RBMS3: variants seen among roughly 807,000 people sequenced by gnomAD.
The protein encoded by RBMS3 is RNA binding motif single stranded interacting protein 3.
RBMS3 carries 27 observed loss-of-function variants against 66.8 expected under a neutral mutation model. The observed-to-expected ratio is 0.40, with a 90% CI of 0.30 to 0.56. The LOEUF is 0.56. Ranked by LOEUF, RBMS3 falls within the 20% of genes least tolerant of loss-of-function variation. The pLI, the probability that RBMS3 is intolerant of heterozygous loss-of-function variation, is 0.40. For missense variants in RBMS3, 513 were observed against 549.5 expected, an observed-to-expected ratio of 0.93 and a Z score of 0.66; for synonymous variants, 188 against 183.0, an observed-to-expected ratio of 1.03 and a Z score of -0.22.
At chr3:29,851,540 G>A (rs972680555) in intron 6 of RBMS3, among the ~76,000 whole-genome samples, 1 of 152,172 alleles carries the variant, frequency 6.6e-6, no homozygotes, top group Non-Finnish European at 1.5e-5. Context: ...GAATAAAAGT[G>A]AACACATTAA....
At chr3:29,660,819 T>C (rs2050515860) in intron 4 of RBMS3, among the ~76,000 whole-genome samples, 1 of 152,132 alleles carries the variant, frequency 6.6e-6, no homozygotes, top group African/African-American at 2.4e-5. Flanking sequence ...CAGCCTCCTA[T>C]GCACAGATAA....
chr3:29,291,601 A>T (rs2032818252), intron 1 of RBMS3, among the ~76,000 whole-genome samples: 1 of 151,818 alleles, frequency 6.6e-6, no homozygotes, highest in South Asian at 2.1e-4. Context: ...AATCAATGGC[A>T]CAATACTTAT....
intron 1 of RBMS3, among the ~76,000 whole-genome samples, chr3:29,305,692 C>T (rs1309181867): frequency 6.6e-6 from 1 of 151,946 alleles, no homozygotes; most frequent in Non-Finnish European, 1.5e-5. Context: ...CCAGGAGGCA[C>T]CTTGAGTTTA....
intron 6 of RBMS3, among the ~76,000 whole-genome samples, chr3:29,868,164 C>T (rs2059405381): frequency 1.3e-5 from 2 of 152,138 alleles, no homozygotes; most frequent in Admixed American, 1.3e-4. Context: ...TGGTCACTTT[C>T]TCTTGGGAAA....
intron 4 of RBMS3, among the ~76,000 whole-genome samples, chr3:29,631,963 C>T (rs12487848): frequency 0.015 from 2,308 of 152,028 alleles, 61 homozygotes; most frequent in African/African-American, 0.053. Flanking sequence ...TGTGCATTTG[C>T]ATGCCAACCA....
chr3:29,592,156 G>A (rs1413823139), intron 4 of RBMS3, among the ~76,000 whole-genome samples: 1 of 150,706 alleles, frequency 6.6e-6, no homozygotes, highest in African/African-American at 2.4e-5. Context: ...TCAAAATCAA[G>A]GAATATACAA....
chr3:29,316,678 G>A (rs561776163), intron 1 of RBMS3, among the ~76,000 whole-genome samples: 2 of 151,358 alleles, frequency 1.3e-5, no homozygotes, highest in African/African-American at 4.8e-5. Context: ...TACAAAAACA[G>A]TTGTCCAGGC....
At chr3:29,688,391 C>CAAAAACTATAGAAACTAT (rs2051827530) in intron 4 of RBMS3, among the ~76,000 whole-genome samples, 1 of 151,954 alleles carries the variant, frequency 6.6e-6, no homozygotes, top group Non-Finnish European at 1.5e-5. Context: ...AGACAGGGGA[C>CAAAAACTATAGAAACTAT]AGTTTCTATC....
intron 3 of RBMS3, among the ~76,000 whole-genome samples, chr3:29,501,515 G>A (rs911990496): frequency 1.3e-5 from 2 of 152,142 alleles, no homozygotes; most frequent in African/African-American, 4.8e-5. Flanking sequence ...GCTGTTGCAA[G>A]CCCGAGGTTA....
At chr3:29,512,979 G>T (rs1208059368) in intron 3 of RBMS3, among the ~76,000 whole-genome samples, 1 of 152,104 alleles carries the variant, frequency 6.6e-6, no homozygotes, top group East Asian at 1.9e-4. Context: ...CCACTTGAGA[G>T]GTAACTTGCT....
intron 12 of RBMS3, among the ~76,000 whole-genome samples, chr3:29,950,402 G>A (rs1238824862): frequency 6.6e-6 from 1 of 151,804 alleles, no homozygotes; most frequent in East Asian, 1.9e-4. Context: ...GCACTTTCAA[G>A]ACAACAATGG....
At chr3:29,952,301 A>T (rs561860867) in intron 12 of RBMS3, among the ~76,000 whole-genome samples, 1 of 151,996 alleles carries the variant, frequency 6.6e-6, no homozygotes, top group Admixed American at 6.6e-5. Context: ...ATTAAATTTT[A>T]TGTAAATCCA....
rs186246097 is a variant in RBMS3 at position 29,528,014 on chromosome 3, T to A, written c.307+39515T>A. ...TTTTTACCCTCAAATACTCAAGCAC[T>A]GCACTGGTGATTGATTGTAAAGAAG... On this transcript the variant is annotated intron_variant, in intron 3 of 14. Transcript: ENST00000383767. Among the ~76,000 whole-genome samples the A allele has an allele frequency of 7.2e-3, 1,092 of 151,972 alleles. 4 individuals carry two copies. Among genetic ancestry groups the A allele is most frequent in the Non-Finnish European group, 0.011 (729 of 67,926 alleles).
intron 4 of RBMS3, among the ~76,000 whole-genome samples, chr3:29,601,392 G>A (rs1196371497): frequency 6.6e-6 from 1 of 151,914 alleles, no homozygotes; most frequent in Non-Finnish European, 1.5e-5. Flanking sequence ...TTAGTAAGCT[G>A]TTAGGTTCTA....
intron 3 of RBMS3, among the ~76,000 whole-genome samples, chr3:29,512,870 T>TGCA (rs2044469894): frequency 6.6e-6 from 1 of 152,192 alleles, no homozygotes; most frequent in African/African-American, 2.4e-5. Flanking sequence ...TTTATAATCT[T>TGCA]GCAGCAGTTC....
intron 1 of RBMS3, among the ~76,000 whole-genome samples, chr3:29,390,141 A>G (rs948499627): frequency 6.6e-6 from 1 of 152,240 alleles, no homozygotes; most frequent in East Asian, 1.9e-4. Context: ...GCTGTTATCA[A>G]ATTCCATTTT....
chr3:29,431,991 G>C (rs1344252664), intron 1 of RBMS3, among the ~76,000 whole-genome samples: 2 of 152,124 alleles, frequency 1.3e-5, no homozygotes, highest in Non-Finnish European at 2.9e-5. Flanking sequence ...GCCTCCCAAA[G>C]TGCTAGGATT....
At chr3:29,989,790 T>A (rs1192981597) in intron 13 of RBMS3, among the ~76,000 whole-genome samples, 1 of 152,240 alleles carries the variant, frequency 6.6e-6, no homozygotes, top group Non-Finnish European at 1.5e-5. Flanking sequence ...TGATTAAATT[T>A]CATGTTCTTT....
In RBMS3 at chr3:29,376,377, A is replaced by G. The variant is rs371731967; in HGVS notation, c.76-58366A>G. ...AGTTGGAAATAAAAAAATAAAAATGAATTGGCTTTCCATTTACCCCTTTGA... is the reference window on the plus strand; with the variant it reads ...AGTTGGAAATAAAAAAATAAAAATGGATTGGCTTTCCATTTACCCCTTTGA... On this transcript the variant is annotated intron_variant, in intron 1 of 14. Transcript: ENST00000383767. Among the ~76,000 whole-genome samples, 66 of 152,292 alleles carry G rather than the reference A, an allele frequency of 4.3e-4. No individual in the cohort carries two copies. In the East Asian group the frequency reaches 5.2e-3, roughly 12 times the overall value.
Sources: gnomAD v4.1 joint callset for allele counts (sites outside exome capture counted in the v4.1 genomes callset) on GRCh38, gnomAD v4.1.1 for gene constraint, MANE v1.5 for transcripts, NCBI Gene and HGNC (gene_info 2026-07-23, HGNC 2026-07-21) for gene names.